Variants in ARHGAP15 observed in about 807,000 individuals in gnomAD.
ARHGAP15 encodes rho GTPase-activating protein 15.
In ARHGAP15, 51 loss-of-function variants were observed where a neutral mutation model predicts 63.7. The ratio of observed to expected loss-of-function variants is 0.80; its 90% CI spans 0.64 to 1.01. The LOEUF (loss-of-function observed/expected upper bound fraction) is 1.01. ARHGAP15 is among the 50% of genes least tolerant of loss of function. ARHGAP15 has a pLI of 0.00. For missense variants in ARHGAP15, 560 were observed against 564.6 expected (o/e 0.99, Z 0.08); for synonymous variants, 191 against 193.8 (o/e 0.99, Z 0.12).
intron 6 of ARHGAP15, among the ~76,000 whole-genome samples, chr2:143,383,286 G>A (rs1162097945): frequency 6.6e-6 from 1 of 152,038 alleles, no homozygotes; most frequent in African/African-American, 2.4e-5. Context: ...CACTTCTATT[G>A]GAAAATGGAG....
chr2:143,442,690 C>T lies in ARHGAP15; in HGVS notation c.703+5648C>T, dbSNP rs144692493. On this transcript the variant is annotated intron_variant, in intron 8 of 13. Coordinates refer to ENST00000295095, the MANE Select transcript of ARHGAP15 (RefSeq NM_018460.4). ...AATGACAGATTAAGTCTGGAATTGT[C>T]CCAAATATAAACATTTGATGAATCT... 2.9e-4 allele frequency among the ~76,000 whole-genome samples: 44 copies of T among 152,108 alleles called. No individual in the cohort carries two copies. The East Asian group carries it at 8.5e-3, about 29-fold the overall frequency.
intron 6 of ARHGAP15, among the ~76,000 whole-genome samples, chr2:143,277,709 G>A (rs751900095): frequency 9.2e-5 from 14 of 152,030 alleles, no homozygotes; most frequent in Non-Finnish European, 1.9e-4. Context: ...CTAAGCCTGA[G>A]GTAAAATGGG....
intron 8 of ARHGAP15, among the ~76,000 whole-genome samples, chr2:143,467,044 T>A (rs1691250781): frequency 6.6e-6 from 1 of 152,098 alleles, no homozygotes; most frequent in African/African-American, 2.4e-5. Context: ...TTTTTCAGCA[T>A]CTCTTCGAAA....
At chr2:143,747,373 A>G (rs1686210065) in intron 13 of ARHGAP15, among the ~76,000 whole-genome samples, 1 of 152,186 alleles carries the variant, frequency 6.6e-6, no homozygotes, top group Non-Finnish European at 1.5e-5. Context: ...TTATGAGCCA[A>G]TATTGAGACA....
chr2:143,204,612 G>A (rs926077723), intron 3 of ARHGAP15, among the ~76,000 whole-genome samples: 11 of 151,902 alleles, frequency 7.2e-5, no homozygotes, highest in Non-Finnish European at 1.2e-4. Context: ...ACAAACATTC[G>A]GTCCATCTCA....
At chr2:143,382,038 T>A (rs1259847774) in intron 6 of ARHGAP15, among the ~76,000 whole-genome samples, 3 of 151,836 alleles carry the variant, frequency 2.0e-5, no homozygotes. Context: ...AAAACCACCC[T>A]CCCTTCTTTC....
chr2:143,731,063 T>G (rs1685512845), intron 13 of ARHGAP15, among the ~76,000 whole-genome samples: 1 of 151,926 alleles, frequency 6.6e-6, no homozygotes, highest in Non-Finnish European at 1.5e-5. Context: ...TCCTCATTTT[T>G]AAGAGGGAAA....
At chr2:143,542,830 CAT>C (rs1338498009) in intron 10 of ARHGAP15, among the ~76,000 whole-genome samples, 1 of 115,912 alleles carries the variant, frequency 8.6e-6, no homozygotes, top group African/African-American at 3.2e-5. Flanking sequence ...TATAATATCA[CAT>C]ATATAGTATA....
At chr2:143,716,608 A>G (rs1397478817) in intron 13 of ARHGAP15, among the ~76,000 whole-genome samples, 1 of 152,242 alleles carries the variant, frequency 6.6e-6, no homozygotes, top group Non-Finnish European at 1.5e-5. Flanking sequence ...TTTTAAGTGT[A>G]TAAAGAAATT....
At chr2:143,255,466 A>C (rs2104995375) in intron 6 of ARHGAP15, among the ~76,000 whole-genome samples, 1 of 152,298 alleles carries the variant, frequency 6.6e-6, no homozygotes, top group East Asian at 1.9e-4. Context: ...TTCTGACTAC[A>C]ATGTATATTA....
chr2:143,187,222 TTGTC>T (rs1202520070), intron 2 of ARHGAP15, among the ~76,000 whole-genome samples: 57 of 152,286 alleles, frequency 3.7e-4, no homozygotes, highest in Non-Finnish European at 2.2e-4. Context: ...GAAGACTCAT[TTGTC>T]TGTGTAAAAT....
intron 12 of ARHGAP15, among the ~76,000 whole-genome samples, chr2:143,625,298 T>C (rs1698793144): frequency 1.3e-5 from 2 of 151,844 alleles, no homozygotes; most frequent in African/African-American, 4.8e-5. Flanking sequence ...GATTTGGGGG[T>C]CCTGTGTTGG....
chr2:143,632,958 T>C (rs1478665031), intron 12 of ARHGAP15, among the ~76,000 whole-genome samples: 1 of 152,128 alleles, frequency 6.6e-6, no homozygotes, highest in African/African-American at 2.4e-5. Flanking sequence ...CATGAAAGCA[T>C]GATAGTGACA....
At chr2:143,524,702 C>T (rs1694191264) in intron 10 of ARHGAP15, among the ~76,000 whole-genome samples, 2 of 152,148 alleles carry the variant, frequency 1.3e-5, no homozygotes, top group Non-Finnish European at 2.9e-5. Context: ...AATTATGTGA[C>T]TATTTGGATA....
Position 143,768,229 on chromosome 2 carries a change from C to CATTT in ARHGAP15, c.*58_*61dup. The CATTT allele has an allele frequency of 6.7e-7, 1 of 1,483,208 alleles. No individual in the cohort carries two copies. Among genetic ancestry groups the CATTT allele is most frequent in the South Asian group, 1.4e-5 (1 of 73,458 alleles). The allele number at this position is 1,483,208 out of a possible 1,614,324, so 91.9% of individuals were successfully genotyped here. A position where few individuals can be genotyped will look rare whatever the true frequency, so the allele number is the denominator to read the frequency against. ...TCTGTCTTGATGCCTAATATTTTTA[C>CATTT]ATTTCTGTAAACATATTTCTGAAAT... On this transcript the variant is annotated 3_prime_UTR_variant, in exon 14 of 14. Coordinates refer to ENST00000295095, the MANE Select transcript of ARHGAP15 (RefSeq NM_018460.4).
chr2:143,199,726 G>C (rs1175036964), intron 2 of ARHGAP15, among the ~76,000 whole-genome samples: 1 of 152,040 alleles, frequency 6.6e-6, no homozygotes, highest in Non-Finnish European at 1.5e-5. Context: ...GTAGCATCTA[G>C]AAAAGAGGAT....
At chr2:143,324,537 T>C (rs1446347063) in intron 6 of ARHGAP15, among the ~76,000 whole-genome samples, 2 of 152,210 alleles carry the variant, frequency 1.3e-5, no homozygotes, top group Non-Finnish European at 1.5e-5. Context: ...AGAGTAGAAA[T>C]GAATTTGTTC....
intron 13 of ARHGAP15, among the ~76,000 whole-genome samples, chr2:143,718,673 C>A (rs1298259102): frequency 6.6e-6 from 1 of 152,166 alleles, no homozygotes; most frequent in Non-Finnish European, 1.5e-5. Flanking sequence ...CTGTTCTCTA[C>A]CTTTCCTCCC....
chr2:143,142,350 A>T (rs1158450544), intron 1 of ARHGAP15, among the ~76,000 whole-genome samples: 3 of 152,092 alleles, frequency 2.0e-5, no homozygotes. Flanking sequence ...GGAGCATTAG[A>T]TTATTCTGTG....
Sources: gnomAD v4.1 joint callset for allele counts (sites outside exome capture counted in the v4.1 genomes callset) on GRCh38, gnomAD v4.1.1 for gene constraint, MANE v1.5 for transcripts, NCBI Gene and HGNC (gene_info 2026-07-23, HGNC 2026-07-21) for gene names.